The following NDST4 variants were observed in gnomAD, a reference collection of about 807,000 sequenced individuals.
NDST4 encodes the protein N-heparan sulfate sulfotransferase 4.
Under a neutral mutation model 100.8 loss-of-function variants are expected in NDST4, and 63 were observed. The observed-to-expected ratio is 0.62, with a 90% CI of 0.51 to 0.77. The LOEUF (loss-of-function observed/expected upper bound fraction) is 0.77. Among genes scored for constraint, NDST4 ranks in the 30% least tolerant of loss-of-function variants. The probability of loss-of-function intolerance (pLI) is 0.00; values close to 1 mark genes in which losing one functional copy is unlikely to be tolerated. For synonymous variants in NDST4, 377 were observed against 361.8 expected (o/e 1.04, Z -0.48); for missense variants, 943 against 1,018.4 (o/e 0.93, Z 1.01).
chr4:115,082,222 A>G (rs187551518), intron 1 of NDST4, among the ~76,000 whole-genome samples: 2 of 152,288 alleles, frequency 1.3e-5, no homozygotes, highest in Admixed American at 1.3e-4. Flanking sequence ...CTCTCTTTCA[A>G]GATTAGAAAA....
intron 3 of NDST4, among the ~76,000 whole-genome samples, chr4:114,972,760 A>T (rs1357368354): frequency 6.6e-6 from 1 of 152,026 alleles, no homozygotes; most frequent in Non-Finnish European, 1.5e-5. Flanking sequence ...CATTCATTTT[A>T]AACTCTGCTG....
intron 7 of NDST4, among the ~76,000 whole-genome samples, chr4:114,860,544 C>G (rs1458232565): frequency 6.6e-6 from 1 of 152,104 alleles, no homozygotes. Flanking sequence ...AACTTACCAC[C>G]AGCTGTAAAA....
intron 2 of NDST4, among the ~76,000 whole-genome samples, chr4:115,060,980 CAAAAA>C (rs1348420336): frequency 6.6e-6 from 1 of 151,644 alleles, no homozygotes; most frequent in Non-Finnish European, 1.5e-5. Context: ...CAAGAAAAAA[CAAAAA>C]ACCTCAACAA....
intron 2 of NDST4, among the ~76,000 whole-genome samples, chr4:114,998,448 A>G (rs1402850230): frequency 6.6e-6 from 1 of 152,094 alleles, no homozygotes; most frequent in Non-Finnish European, 1.5e-5. Flanking sequence ...GTGCAACCCC[A>G]TTAACTATTC....
intron 6 of NDST4, among the ~76,000 whole-genome samples, chr4:114,883,901 G>A (rs552042661): frequency 9.9e-5 from 15 of 152,176 alleles, no homozygotes; most frequent in Non-Finnish European, 1.3e-4. Context: ...TAATGCCACC[G>A]CTGATCTGAC....
intron 6 of NDST4, among the ~76,000 whole-genome samples, chr4:114,874,710 A>G (rs72679797): frequency 0.077 from 11,762 of 152,248 alleles, 530 homozygotes; most frequent in East Asian, 0.13. Flanking sequence ...CCTATTTCAG[A>G]GAGTATAGGT....
intron 6 of NDST4, among the ~76,000 whole-genome samples, chr4:114,917,494 A>G (rs1725198455): frequency 6.6e-6 from 1 of 152,168 alleles, no homozygotes; most frequent in African/African-American, 2.4e-5. Context: ...TGATCAAACA[A>G]TAGGGACTTT....
At chr4:114,952,440 T>C (rs904627891) in intron 4 of NDST4, among the ~76,000 whole-genome samples, 1 of 152,096 alleles carries the variant, frequency 6.6e-6, no homozygotes, top group African/African-American at 2.4e-5. Flanking sequence ...TAAATATGTA[T>C]TGTAGAGATT....
chr4:115,020,569 C>T (rs148185711), intron 2 of NDST4, among the ~76,000 whole-genome samples: 3 of 152,104 alleles, frequency 2.0e-5, no homozygotes, highest in Middle Eastern at 3.4e-3. Flanking sequence ...CTTAATTAAA[C>T]TAAAGAACTT....
chr4:115,103,250 G>A (rs1729768820), intron 1 of NDST4, among the ~76,000 whole-genome samples: 1 of 152,026 alleles, frequency 6.6e-6, no homozygotes, highest in Non-Finnish European at 1.5e-5. Flanking sequence ...AATACAAAAA[G>A]CTATAAATTT....
intron 1 of NDST4, among the ~76,000 whole-genome samples, chr4:115,085,032 G>GTACC (rs902680087): frequency 6.6e-6 from 1 of 152,206 alleles, no homozygotes; most frequent in African/African-American, 2.4e-5. Context: ...GAGGGGGGCT[G>GTACC]TACCCTGAAA....
At chr4:114,927,788 G>C (rs1408569503) in intron 6 of NDST4, among the ~76,000 whole-genome samples, 2 of 152,040 alleles carry the variant, frequency 1.3e-5, no homozygotes, top group Admixed American at 6.6e-5. Flanking sequence ...TAATATTAAA[G>C]TATAGATGAT....
At chr4:115,014,906 TAA>T (rs952854652) in intron 2 of NDST4, among the ~76,000 whole-genome samples, 1 of 152,052 alleles carries the variant, frequency 6.6e-6, no homozygotes, top group African/African-American at 2.4e-5. Context: ...CTCCTAAAAG[TAA>T]AAGAGATAGA....
intron 2 of NDST4, among the ~76,000 whole-genome samples, chr4:115,038,446 C>T (rs1386473560): frequency 6.6e-6 from 1 of 152,040 alleles, no homozygotes; most frequent in Non-Finnish European, 1.5e-5. Flanking sequence ...TGGTTTTCTG[C>T]AGTAAAAGAA....
At chr4:114,967,785 T>C (rs989648406) in intron 4 of NDST4, among the ~76,000 whole-genome samples, 17 of 152,046 alleles carry the variant, frequency 1.1e-4, no homozygotes, top group African/African-American at 3.9e-4. Context: ...TCCATATTTT[T>C]TTTAAAAAAA....
chr4:115,088,679 C>A (rs1729454709), intron 1 of NDST4, among the ~76,000 whole-genome samples: 1 of 151,880 alleles, frequency 6.6e-6, no homozygotes, highest in Non-Finnish European at 1.5e-5. Context: ...CCTAATTTTT[C>A]TCTTTAGCTT....
Position 114,870,752 on chromosome 4 carries a change from G to C in NDST4, c.1719+16C>G. 1 of 1,584,354 alleles carries C rather than the reference G, an allele frequency of 6.3e-7. No homozygotes were observed. Among genetic ancestry groups the C allele is most frequent in the Non-Finnish European group, 8.6e-7 (1 of 1,166,278 alleles). On this transcript the variant is annotated intron_variant, in intron 7 of 13. Coordinates refer to ENST00000264363, the MANE Select transcript of NDST4 (RefSeq NM_022569.3). ...GTTTCTTTCCTTCCACCCCAAGAGA[G>C]AATGTTAAATGTTACCTGCCATAGA... is the stretch of plus-strand genomic sequence containing the variant.
chr4:114,932,275 A>G (rs1439662360), intron 6 of NDST4, among the ~76,000 whole-genome samples: 1 of 152,008 alleles, frequency 6.6e-6, no homozygotes, highest in Non-Finnish European at 1.5e-5. Context: ...AGAAGCAGAA[A>G]AAGCATGTAA....
intron 1 of NDST4, among the ~76,000 whole-genome samples, chr4:115,111,924 T>A (rs1041589629): frequency 6.6e-6 from 1 of 151,882 alleles, no homozygotes; most frequent in African/African-American, 2.4e-5. Context: ...TTTAAAAATG[T>A]CAACAATAGT....
Sources: allele counts gnomAD v4.1 joint callset (sites outside exome capture counted in the v4.1 genomes callset), GRCh38; gene constraint gnomAD v4.1.1; transcripts MANE v1.5; gene names NCBI Gene and HGNC (gene_info 2026-07-23, HGNC 2026-07-21).